Variants in GRXCR2 observed in about 807,000 individuals in gnomAD.
GRXCR2 encodes glutaredoxin and cysteine rich domain containing 2.
In GRXCR2, 23 loss-of-function variants were observed where a neutral mutation model predicts 24.8. The ratio of observed to expected loss-of-function variants is 0.93; its 90% CI spans 0.67 to 1.32. GRXCR2 has a LOEUF of 1.32. GRXCR2 is among the 40% of genes most tolerant of loss of function. The probability of loss-of-function intolerance (pLI) is 0.00; values close to 1 mark genes in which losing one functional copy is unlikely to be tolerated. For missense variants in GRXCR2, 315 were observed against 303.4 expected (o/e 1.04, Z -0.28); for synonymous variants, 130 against 116.1 (o/e 1.12, Z -0.77).
chr5:145,880,476 C>G (rs531862333), intron 2 of GRXCR2, among the ~76,000 whole-genome samples: 11 of 151,900 alleles, frequency 7.2e-5, no homozygotes. Context: ...GACACATTCA[C>G]CCTCCCAAGA....
At chr5:145,900,866 A>G (rs554160771) in intron 2 of GRXCR2, among the ~76,000 whole-genome samples, 82 of 152,306 alleles carry the variant, frequency 5.4e-4, no homozygotes, top group African/African-American at 2.0e-3. Context: ...GGCTATTCAC[A>G]ATAACAAAGT....
intron 2 of GRXCR2, among the ~76,000 whole-genome samples, chr5:145,882,472 T>TA (rs1453758437): frequency 1.3e-5 from 2 of 152,134 alleles, no homozygotes; most frequent in Non-Finnish European, 2.9e-5. Flanking sequence ...CACAATGAGA[T>TA]ACCATCTCAC....
chr5:145,908,731 G>A (rs1289384943), intron 2 of GRXCR2, among the ~76,000 whole-genome samples: 1 of 152,192 alleles, frequency 6.6e-6, no homozygotes, highest in Non-Finnish European at 1.5e-5. Context: ...AGAAGATCTG[G>A]CTTCCAGCTC....
intron 2 of GRXCR2, among the ~76,000 whole-genome samples, chr5:145,914,622 G>A (rs937782391): frequency 1.4e-5 from 2 of 143,744 alleles, no homozygotes; most frequent in Admixed American, 1.5e-4. Context: ...GTTGCAGTGA[G>A]CCGAGATGGT....
At chr5:145,893,197 A>T in intron 2 of GRXCR2, among the ~76,000 whole-genome samples, 1 of 152,356 alleles carries the variant, frequency 6.6e-6, no homozygotes, top group Middle Eastern at 3.4e-3. Context: ...TGTAAAGACC[A>T]TCAAGGCTAG....
chr5:145,872,902 T>C lies in GRXCR2; in HGVS notation c.67A>G (p.Ile23Val), dbSNP rs1756557977. 1 of 1,613,998 alleles carries C rather than the reference T, an allele frequency of 6.2e-7. No homozygotes were observed. The highest frequency in any genetic ancestry group is 8.5e-7 in the Non-Finnish European group (1 of 1,180,030). Residue 23 changes from isoleucine (I) to valine (V), a missense_variant, in exon 1 of 3, where the codon ATC (isoleucine) becomes GTC (valine). Coordinates refer to ENST00000377976, the MANE Select transcript of GRXCR2 (RefSeq NM_001080516.2). ...ACTCGACCGCTGTAGGAGGAGGAGA[T>C]TTTAAATCGTACTTTCCGGGGTTTG... Reference protein sequence around the residue: ...DGKPRKVRFKISSSYSGRVLK... With the variant: ...DGKPRKVRFKVSSSYSGRVLK...
At chr5:145,897,905 G>A (rs1400644061) in intron 2 of GRXCR2, among the ~76,000 whole-genome samples, 2 of 151,680 alleles carry the variant, frequency 1.3e-5, no homozygotes, top group Non-Finnish European at 2.9e-5. Flanking sequence ...CACACCTAGA[G>A]GAATTAGAAA....
intron 2 of GRXCR2, among the ~76,000 whole-genome samples, chr5:145,891,083 C>A (rs1331642225): frequency 6.6e-6 from 1 of 152,140 alleles, no homozygotes; most frequent in Non-Finnish European, 1.5e-5. Context: ...TAAATATATA[C>A]ACACCCAACA....
chr5:145,891,648 G>A (rs35141456), intron 2 of GRXCR2, among the ~76,000 whole-genome samples: 10,850 of 152,196 alleles, frequency 0.071, 863 homozygotes, highest in African/African-American at 0.2. Flanking sequence ...GCTCGAACTC[G>A]GTGGAGCCCA....
chr5:145,917,476 C>T (rs1001381604), intron 2 of GRXCR2, among the ~76,000 whole-genome samples: 10 of 152,130 alleles, frequency 6.6e-5, no homozygotes, highest in Non-Finnish European at 1.5e-4. Context: ...CTCACTGAAT[C>T]ATTCTGTAAA....
chr5:145,916,833 A>G (rs1757248295), intron 2 of GRXCR2, among the ~76,000 whole-genome samples: 1 of 152,112 alleles, frequency 6.6e-6, no homozygotes, highest in South Asian at 2.1e-4. Flanking sequence ...TGAGATAGGG[A>G]ACAAGCATGA....
chr5:145,899,491 T>C (rs1011617399), intron 2 of GRXCR2, among the ~76,000 whole-genome samples: 1 of 152,010 alleles, frequency 6.6e-6, no homozygotes, highest in Non-Finnish European at 1.5e-5. Context: ...AGGCATCACA[T>C]CACCTGACTT....
At chr5:145,879,574 G>A (rs1299793631) in intron 2 of GRXCR2, among the ~76,000 whole-genome samples, 1 of 152,168 alleles carries the variant, frequency 6.6e-6, no homozygotes, top group Admixed American at 6.5e-5. Flanking sequence ...GACGGACAAA[G>A]AGACTTAGAT....
intron 2 of GRXCR2, among the ~76,000 whole-genome samples, chr5:145,880,235 C>CA (rs747303796): frequency 6.6e-6 from 1 of 151,918 alleles, no homozygotes; most frequent in Non-Finnish European, 1.5e-5. Context: ...AAAAACCCTT[C>CA]AAAAAATCAA....
At chr5:145,911,814 C>T (rs536150830) in intron 2 of GRXCR2, among the ~76,000 whole-genome samples, 4 of 152,302 alleles carry the variant, frequency 2.6e-5, no homozygotes, top group Admixed American at 2.0e-4. Flanking sequence ...TCTGACCAGG[C>T]GCTGTGGCTC....
chr5:145,874,996 C>T (rs1756589881), upstream of GRXCR2, among the ~76,000 whole-genome samples: 1 of 152,202 alleles, frequency 6.6e-6, no homozygotes, highest in Non-Finnish European at 1.5e-5. Context: ...CCCACCTTCC[C>T]CAGGGAGAGT....
intron 2 of GRXCR2, among the ~76,000 whole-genome samples, chr5:145,881,244 C>T (rs1479151192): frequency 1.3e-5 from 2 of 152,206 alleles, no homozygotes; most frequent in Admixed American, 6.5e-5. Context: ...CAAATTGTCC[C>T]TGTTTGCAGA....
upstream of GRXCR2, among the ~76,000 whole-genome samples, chr5:145,874,626 C>G (rs1756585406): frequency 6.6e-6 from 1 of 152,188 alleles, no homozygotes. Context: ...CCCTACTCAC[C>G]CCCAATTCCA....
At chr5:145,908,888 G>A (rs756296191) in intron 2 of GRXCR2, among the ~76,000 whole-genome samples, 8 of 152,162 alleles carry the variant, frequency 5.3e-5, no homozygotes, top group Non-Finnish European at 8.8e-5. Context: ...TGCAGGCACC[G>A]GGCTAGGTAA....
Sources: gnomAD v4.1 joint callset for allele counts (sites outside exome capture counted in the v4.1 genomes callset) on GRCh38, gnomAD v4.1.1 for gene constraint, MANE v1.5 for transcripts, NCBI Gene and HGNC (gene_info 2026-07-23, HGNC 2026-07-21) for gene names.